SV2B: variants seen among roughly 807,000 people sequenced by gnomAD.
SV2B encodes the protein synaptic vesicle glycoprotein 2B.
Under a neutral mutation model 73.9 loss-of-function variants are expected in SV2B, and 41 were observed. The observed-to-expected ratio is 0.56, with a 90% CI of 0.43 to 0.72. SV2B has a LOEUF of 0.72. Ranked by LOEUF, SV2B falls within the 30% of genes least tolerant of loss-of-function variation. SV2B has a pLI of 0.00. For missense variants in SV2B, 764 were observed against 857.8 expected (o/e 0.89, Z 1.37); for synonymous variants, 314 against 314.2 (o/e 1.00, Z 0.01).
chr15:91,178,609 A>G (rs371706826), intron 1 of SV2B, among the ~76,000 whole-genome samples: 2 of 151,884 alleles, frequency 1.3e-5, no homozygotes, highest in East Asian at 1.9e-4. Context: ...CTTCTTCCTG[A>G]TTTAGTCTTG....
At chr15:91,272,298 G>A (rs75091785) in intron 9 of SV2B, among the ~76,000 whole-genome samples, 1,615 of 152,304 alleles carry the variant, frequency 0.011, 22 homozygotes, top group African/African-American at 0.035. Context: ...ACAGGATAGA[G>A]TTTCTACCCA....
At chr15:91,150,867 C>T (rs2043294624) in intron 1 of SV2B, among the ~76,000 whole-genome samples, 1 of 152,202 alleles carries the variant, frequency 6.6e-6, no homozygotes, top group African/African-American at 2.4e-5. Flanking sequence ...GACAAGAGAA[C>T]AGATGGCTCC....
intron 4 of SV2B, among the ~76,000 whole-genome samples, chr15:91,254,231 C>CTTTTTTTTTTTT (rs1206575033): frequency 7.6e-6 from 1 of 131,836 alleles, no homozygotes; most frequent in African/African-American, 3.2e-5. Flanking sequence ...ATTATTTTCA[C>CTTTTTTTTTTTT]TTCTTTTTTT....
rs1433467186 is a variant in SV2B, at chr15:91,223,334, T to C, written c.-391-2539T>C. Among the ~76,000 whole-genome samples the C allele has an allele frequency of 1.3e-5, 2 of 152,236 alleles. No homozygotes were observed. The highest frequency in any genetic ancestry group is 2.4e-5 in the African/African-American group (1 of 41,460). On this transcript the variant is annotated intron_variant, in intron 1 of 12. Coordinates refer to ENST00000394232, the MANE Select transcript of SV2B (RefSeq NM_001323032.3). This position sits in a 1 kb window ranked among gnomAD's most constrained non-coding sequence, Gnocchi z 4.6. ...TACCATTGAAAATGATTAATAGTTGTGTTTCTTAAATGAAATAGAAATGAA... is the reference window on the plus strand; with the variant it reads ...TACCATTGAAAATGATTAATAGTTGCGTTTCTTAAATGAAATAGAAATGAA...
intron 1 of SV2B, among the ~76,000 whole-genome samples, chr15:91,165,191 G>T (rs139110013): frequency 0.065 from 9,910 of 152,158 alleles, 430 homozygotes; most frequent in Non-Finnish European, 0.089. Context: ...ACAAAAATTA[G>T]CCAGGTGTGG....
chr15:91,175,702 C>CAT (rs10616854), intron 1 of SV2B, among the ~76,000 whole-genome samples: 1,606 of 148,752 alleles, frequency 0.011, 13 homozygotes, highest in Middle Eastern at 0.025. Flanking sequence ...CATGTAAATA[C>CAT]ATATATATAT....
intron 11 of SV2B, among the ~76,000 whole-genome samples, chr15:91,285,865 C>T (rs2048843817): frequency 6.6e-6 from 1 of 152,096 alleles, no homozygotes; most frequent in Non-Finnish European, 1.5e-5. Context: ...CATGCCCCCT[C>T]ACAGAAGTGG....
At chr15:91,202,919 G>C (rs2141391181) in intron 1 of SV2B, among the ~76,000 whole-genome samples, 1 of 152,264 alleles carries the variant, frequency 6.6e-6, no homozygotes, top group East Asian at 1.9e-4. Flanking sequence ...CAATCCCTAG[G>C]AAGGACTGAC....
At chr15:91,176,657 T>C (rs1168113676) in intron 1 of SV2B, among the ~76,000 whole-genome samples, 1 of 152,016 alleles carries the variant, frequency 6.6e-6, no homozygotes, top group Non-Finnish European at 1.5e-5. Flanking sequence ...ATGAGCATTT[T>C]TTCATGTGTC....
chr15:91,259,912 G>A (rs888563447), intron 5 of SV2B, among the ~76,000 whole-genome samples: 3 of 152,144 alleles, frequency 2.0e-5, no homozygotes, highest in Non-Finnish European at 4.4e-5. Context: ...ACTCTCTGTG[G>A]TACTGGGGAT....
chr15:91,174,429 C>T (rs904211211), intron 1 of SV2B, among the ~76,000 whole-genome samples: 18 of 152,106 alleles, frequency 1.2e-4, no homozygotes, highest in African/African-American at 3.9e-4. Context: ...ATTTTAGTTC[C>T]ATTCCTGGTT....
rs1203808780 is a variant in SV2B, at chr15:91,100,551, TG to T, written c.-392+189del. ...AAACCGGCGCAGAAAAGCAAGGACT[TG>T]CCCGCTGCCTGGAGCTGTGCGCTTC... On this transcript the variant is annotated intron_variant, in intron 1 of 12. Coordinates refer to ENST00000394232, the MANE Select transcript of SV2B (RefSeq NM_001323032.3). The surrounding 1 kb of genome is among the most constrained non-coding windows in gnomAD (Gnocchi z 6.4). 1.3e-5 allele frequency among the ~76,000 whole-genome samples: 2 copies of T among 152,202 alleles called. No homozygotes were observed. The highest frequency in any genetic ancestry group is 2.9e-5 in the Non-Finnish European group (2 of 68,026).
rs77109752 is a variant in SV2B, at chr15:91,268,544, G to T, written c.1312G>T (p.Ala438Ser). ...KVFFGEHVYGATINFTMENQI... is the reference protein window; with the variant it reads ...KVFFGEHVYGSTINFTMENQI... ...GTTTTTTGGTGAGCATGTGTACGGCGCCACAATCAACTTCACGATGGAAAA... is the reference window on the plus strand; with the variant it reads ...GTTTTTTGGTGAGCATGTGTACGGCTCCACAATCAACTTCACGATGGAAAA... The change falls in exon 9 of 13, where the codon GCC becomes TCC. Residue 438 changes from alanine to serine, a missense_variant. By Grantham distance (99) the Ala-to-Ser change is moderately conservative (BLOSUM62 1). Transcript: ENST00000394232. The surrounding 1 kb of genome is among the most constrained non-coding windows in gnomAD (Gnocchi z 4.4). 1 of 1,613,840 alleles carries T rather than the reference G, an allele frequency of 6.2e-7. No individual in the cohort carries two copies. Among genetic ancestry groups the T allele is most frequent in the Non-Finnish European group, 8.5e-7 (1 of 1,179,784 alleles).
At chr15:91,249,143 C>T (rs1017490562) in intron 2 of SV2B, among the ~76,000 whole-genome samples, 5 of 151,840 alleles carry the variant, frequency 3.3e-5, no homozygotes, top group African/African-American at 1.2e-4. Context: ...ACCTTCTAGC[C>T]TGAACCCTCA....
At position 91,245,442 on chromosome 15, in the gene SV2B, A is replaced by T. The variant is rs2047184648; in HGVS notation, c.452-6377A>T. 6.6e-6 allele frequency among the ~76,000 whole-genome samples: 1 copy of T among 152,240 alleles called. No homozygotes were observed. Among genetic ancestry groups the T allele is most frequent in the Admixed American group, 6.5e-5 (1 of 15,284 alleles). ...TATACACGTACCAATACAAATACAA[A>T]AATAAAGCCTGCTGACAACAGCTGT... On this transcript the variant is annotated intron_variant, in intron 2 of 12. Coordinates refer to ENST00000394232, the MANE Select transcript of SV2B (RefSeq NM_001323032.3). This position sits in a 1 kb window ranked among gnomAD's most constrained non-coding sequence, Gnocchi z 4.2.
intron 1 of SV2B, among the ~76,000 whole-genome samples, chr15:91,135,176 A>G (rs2042782333): frequency 6.6e-6 from 1 of 151,962 alleles, no homozygotes; most frequent in Non-Finnish European, 1.5e-5. Flanking sequence ...CTACAGATAT[A>G]CCGTGTATCT....
In SV2B at chr15:91,124,699, G is replaced by A. The variant is rs1401420032; in HGVS notation, c.-392+24336G>A. On this transcript the variant is annotated intron_variant, in intron 1 of 12. Coordinates refer to ENST00000394232, the MANE Select transcript of SV2B (RefSeq NM_001323032.3). This position sits in a 1 kb window ranked among gnomAD's most constrained non-coding sequence, Gnocchi z 4.6. ...GAGACAGTCTCACTCTGTCACCCAG[G>A]CTGGAGTGCAGTGGCACTATCTTGG... is the stretch of plus-strand genomic sequence containing the variant. Among the ~76,000 whole-genome samples, 1 of 151,776 alleles carries A rather than the reference G, an allele frequency of 6.6e-6. No individual in the cohort carries two copies. Among genetic ancestry groups the A allele is most frequent in the African/African-American group, 2.4e-5 (1 of 41,254 alleles).
At chr15:91,208,126 A>T (rs1670214791) in intron 1 of SV2B, among the ~76,000 whole-genome samples, 2 of 152,160 alleles carry the variant, frequency 1.3e-5, no homozygotes, top group African/African-American at 2.4e-5. Context: ...ATCAATATCG[A>T]CAGTCTCACC....
At chr15:91,230,529 C>T (rs1194133551) in intron 2 of SV2B, among the ~76,000 whole-genome samples, 1 of 152,080 alleles carries the variant, frequency 6.6e-6, no homozygotes, top group Non-Finnish European at 1.5e-5. Context: ...TTCTCTTGAG[C>T]GTTATGTTTT....
Sources: gnomAD v4.1 joint callset for allele counts (sites outside exome capture counted in the v4.1 genomes callset) on GRCh38, gnomAD v4.1.1 for gene constraint, Gnocchi (gnomAD v3.1) non-coding constraint, MANE v1.5 for transcripts, NCBI Gene and HGNC (gene_info 2026-07-23, HGNC 2026-07-21) for gene names.